CYFIP1: variants seen among roughly 807,000 people sequenced by gnomAD.
The protein encoded by CYFIP1 is cytoplasmic FMR1-interacting protein 1.
CYFIP1 carries 58 observed loss-of-function variants against 163.5 expected under a neutral mutation model. The observed-to-expected ratio is 0.35, with a 90% CI of 0.29 to 0.44. The LOEUF is 0.44. CYFIP1 is among the 20% of genes least tolerant of loss of function. The pLI, the probability that CYFIP1 is intolerant of heterozygous loss-of-function variation, is 1.00. For synonymous variants in CYFIP1, 663 were observed against 660.7 expected (o/e 1.00, Z -0.05); for missense variants, 1,338 against 1,653.8 (o/e 0.81, Z 3.31).
At chr15:22,929,014 T>C (rs2061447704) in intron 11 of CYFIP1, among the ~76,000 whole-genome samples, 1 of 150,730 alleles carries the variant, frequency 6.6e-6, no homozygotes, top group South Asian at 2.1e-4. Flanking sequence ...AGGTCAGGAG[T>C]TCGAGATCAG....
chr15:22,903,621 G>GGACCT lies in CYFIP1; in HGVS notation c.2588+80_2588+84dup, dbSNP rs1373257754. On this transcript the variant is annotated intron_variant, in intron 22 of 30. Coordinates refer to ENST00000617928, the MANE Select transcript of CYFIP1 (RefSeq NM_014608.6). ...GGGAGCAGCAAGAGCAGGGAGACAG[G>GGACCT]GACCTGGTGACATGGAGGAAGCCTG... The GGACCT allele has an allele frequency of 5.0e-6, 7 of 1,395,264 alleles. No homozygotes were observed. The African/African-American group carries it at 9.9e-5, about 20-fold the overall frequency. 86.4% of individuals were successfully genotyped at this position (1,395,264 alleles called of 1,614,324 possible). A position where few individuals can be genotyped will look rare whatever the true frequency, so the allele number is the denominator to read the frequency against.
chr15:22,908,195 TCA>T (rs2060648438), intron 21 of CYFIP1, among the ~76,000 whole-genome samples: 2 of 152,060 alleles, frequency 1.3e-5, no homozygotes, highest in African/African-American at 2.4e-5. Context: ...GTGTGAAGAC[TCA>T]CACTGCAAAT....
chr15:22,937,575 G>A (rs2061751500), intron 8 of CYFIP1, among the ~76,000 whole-genome samples: 1 of 151,730 alleles, frequency 6.6e-6, no homozygotes, highest in Non-Finnish European at 1.5e-5. Context: ...GTTAAGTTTC[G>A]GTGTATGCAA....
At chr15:22,905,235 G>C (rs1196284447) in intron 21 of CYFIP1, 1 of 152,068 alleles carries the variant, frequency 6.6e-6, no homozygotes, top group East Asian at 1.9e-4. Context: ...TGACAAGCTT[G>C]GGTCGGTTTT....
chr15:22,920,159 C>CTTTTT lies in CYFIP1; in HGVS notation c.1360-1306_1360-1302dup, dbSNP rs71117470. Among the ~76,000 whole-genome samples, 55 of 75,542 alleles carry CTTTTT rather than the reference C, an allele frequency of 7.3e-4. 2 individuals carry two copies. Among genetic ancestry groups the CTTTTT allele is most frequent in the South Asian group, 6.3e-3 (9 of 1,434 alleles). The allele number at this position is 75,542 out of a possible 152,430, so 49.6% of individuals were successfully genotyped here. ...TTTGACAGATTCAAAATTAAGGCAG[C>CTTTTT]TTTTTTTTTTTTTTTTTTTTTTTGA... On this transcript the variant is annotated intron_variant, in intron 13 of 30. Coordinates refer to ENST00000617928, the MANE Select transcript of CYFIP1 (RefSeq NM_014608.6).
At chr15:22,885,497 C>A (rs2059904389) in intron 23 of CYFIP1, among the ~76,000 whole-genome samples, 4 of 152,152 alleles carry the variant, frequency 2.6e-5, no homozygotes, top group Admixed American at 2.0e-4. Flanking sequence ...CGTTGGGAGG[C>A]CGAGGTGGGT....
At chr15:22,916,112 A>ACCCG (rs1208661406) in intron 16 of CYFIP1, among the ~76,000 whole-genome samples, 1 of 152,064 alleles carries the variant, frequency 6.6e-6, no homozygotes, top group Non-Finnish European at 1.5e-5. Flanking sequence ...GGCACAGGGC[A>ACCCG]CCCGCCACCT....
intron 23 of CYFIP1, among the ~76,000 whole-genome samples, chr15:22,886,281 T>C (rs1407245708): frequency 6.6e-6 from 1 of 152,108 alleles, no homozygotes; most frequent in Non-Finnish European, 1.5e-5. Context: ...CCAAAACATA[T>C]CAAGGTGGTT....
intron 21 of CYFIP1, chr15:22,905,330 G>T (rs561492166): frequency 6.6e-6 from 1 of 151,908 alleles, no homozygotes; most frequent in African/African-American, 2.4e-5. Context: ...GATGCCAGTC[G>T]GCCCTGTTCC....
intron 3 of CYFIP1, 133 bp downstream of exon 3, chr15:22,946,862 TTAAAAATA>T (rs1173241204): frequency 1.3e-6 from 1 of 779,208 alleles, no homozygotes. Flanking sequence ...AAAGACTGTC[TTAAAAATA>T]TAAGGCATTT....
At chr15:22,879,619 T>TA (rs2059690908) in intron 26 of CYFIP1, among the ~76,000 whole-genome samples, 1 of 152,266 alleles carries the variant, frequency 6.6e-6, no homozygotes, top group South Asian at 2.1e-4. Flanking sequence ...CCTTATACCT[T>TA]ACAGGCACAC....
rs77244847 is a variant in CYFIP1, at chr15:22,880,501, C to T, written c.2912-458G>A. Among the ~76,000 whole-genome samples the T allele has an allele frequency of 4.6e-3, 699 of 152,322 alleles. 9 individuals are homozygous for T. Among genetic ancestry groups the T allele is most frequent in the African/African-American group, 0.015 (644 of 41,574 alleles). ...AACGGGAGGCCGCACACCAGGCCAG[C>T]TCCAGAGCAAGGCAGGCGTCTCAAC... On this transcript the variant is annotated intron_variant, in intron 25 of 30. Transcript: ENST00000617928.
intron 11 of CYFIP1, among the ~76,000 whole-genome samples, chr15:22,931,686 GAAAAAAAAAAAA>G (rs766177290): frequency 2.5e-5 from 1 of 39,714 alleles, no homozygotes; most frequent in Admixed American, 4.4e-4. Context: ...ATGTTTTTCT[GAAAAAAAAAAAA>G]AAAAAAAAAA....
intron 23 of CYFIP1, among the ~76,000 whole-genome samples, chr15:22,890,039 T>C (rs991507793): frequency 7.2e-5 from 11 of 152,030 alleles, no homozygotes; most frequent in African/African-American, 2.4e-4. Flanking sequence ...CATTGGCTCA[T>C]GCCTGTAATT....
rs771074681 is a variant in CYFIP1 at position 22,937,054 on chromosome 15, A to G, written c.900+50T>C. 3.8e-6 allele frequency: 5 copies of G among 1,321,930 alleles called. 1 individual carries two copies. Among genetic ancestry groups the G allele is most frequent in the Admixed American group, 3.4e-5 (2 of 59,090 alleles). 81.9% of individuals were successfully genotyped at this position (1,321,930 alleles called of 1,614,324 possible). ...ACAGGGGCTCACTTCCCCAAAATTC[A>G]AAGTGCACACAAATCAATAAAAACA... On this transcript the variant is annotated intron_variant, in intron 9 of 30. Transcript: ENST00000617928.
chr15:22,970,749 A>T (rs1456189116), intron 1 of CYFIP1, among the ~76,000 whole-genome samples: 1 of 152,216 alleles, frequency 6.6e-6, no homozygotes, highest in Non-Finnish European at 1.5e-5. Flanking sequence ...ACATACATGA[A>T]TTATGTTGGA....
At chr15:22,894,764 T>A (rs2060182687) in intron 22 of CYFIP1, among the ~76,000 whole-genome samples, 1 of 149,094 alleles carries the variant, frequency 6.7e-6, no homozygotes, top group Non-Finnish European at 1.5e-5. Context: ...TTTAAAATTT[T>A]AATCAAAATA....
intron 18 of CYFIP1, among the ~76,000 whole-genome samples, chr15:22,911,453 GCAC>G (rs1353991419): frequency 6.6e-6 from 1 of 152,186 alleles, no homozygotes; most frequent in Non-Finnish European, 1.5e-5. Context: ...ACTCCAGGAG[GCAC>G]CACCGAGGGC....
chr15:22,880,547 A>G (rs1043871157), intron 25 of CYFIP1, among the ~76,000 whole-genome samples: 1 of 152,192 alleles, frequency 6.6e-6, no homozygotes, highest in African/African-American at 2.4e-5. Flanking sequence ...ACAGCGGAAT[A>G]AGGCACAAAA....
Sources: allele counts gnomAD v4.1 joint callset (sites outside exome capture counted in the v4.1 genomes callset), GRCh38; gene constraint gnomAD v4.1.1; transcripts MANE v1.5; gene names NCBI Gene and HGNC (gene_info 2026-07-23, HGNC 2026-07-21).